Variants in FOXP2 observed in about 807,000 individuals in gnomAD.
FOXP2 encodes forkhead box protein P2.
Under a neutral mutation model 115.8 loss-of-function variants are expected in FOXP2, and 12 were observed. The observed-to-expected ratio is 0.10, with a 90% CI of 0.07 to 0.17. FOXP2 has a LOEUF of 0.17. Ranked by LOEUF, FOXP2 falls within the 10% of genes least tolerant of loss-of-function variation. The probability of loss-of-function intolerance (pLI) is 1.00; values close to 1 mark genes in which losing one functional copy is unlikely to be tolerated. For missense variants in FOXP2, 629 were observed against 843.5 expected (o/e 0.75, Z 3.15); for synonymous variants, 328 against 297.7 (o/e 1.10, Z -1.05).
chr7:114,447,694 A>G (rs1298364558), intron 2 of FOXP2, among the ~76,000 whole-genome samples: 1 of 152,164 alleles, frequency 6.6e-6, no homozygotes, highest in South Asian at 2.1e-4. Flanking sequence ...TCTGAGATTT[A>G]AAGTCATTTC....
intron 16 of FOXP2, among the ~76,000 whole-genome samples, chr7:114,679,960 C>A (rs1563075918): frequency 1.3e-5 from 2 of 152,292 alleles, no homozygotes; most frequent in East Asian, 3.9e-4. Flanking sequence ...GCCCCTATCC[C>A]AGAAGTTTAC....
intron 1 of FOXP2, among the ~76,000 whole-genome samples, chr7:114,171,374 A>G (rs1312002168): frequency 6.6e-6 from 1 of 152,100 alleles, no homozygotes; most frequent in Non-Finnish European, 1.5e-5. Context: ...GGAGTTCAAA[A>G]CCAGCCTGGG....
At chr7:114,219,835 T>C (rs1794576057) in intron 1 of FOXP2, among the ~76,000 whole-genome samples, 1 of 151,942 alleles carries the variant, frequency 6.6e-6, no homozygotes, top group Non-Finnish European at 1.5e-5. Flanking sequence ...TTTTCATAAT[T>C]CTGTGAGGGT....
At chr7:114,202,739 G>T (rs1009747336) in intron 1 of FOXP2, among the ~76,000 whole-genome samples, 5 of 152,102 alleles carry the variant, frequency 3.3e-5, no homozygotes, top group Non-Finnish European at 5.9e-5. Flanking sequence ...GTAATATAGG[G>T]ATATATAGTT....
chr7:114,654,145 C>G, intron 10 of FOXP2, 136 bp downstream of exon 10: 1 of 1,548,416 alleles, frequency 6.5e-7, no homozygotes. Flanking sequence ...AAAATGTAAT[C>G]GCTTGTCAAA....
intron 1 of FOXP2, among the ~76,000 whole-genome samples, chr7:114,270,088 A>C (rs556172817): frequency 6.6e-6 from 1 of 152,324 alleles, no homozygotes; most frequent in South Asian, 2.1e-4. Flanking sequence ...ATGCAAAGAA[A>C]TGAGCATTCT....
At chr7:114,386,476 G>A (rs1792456884) in intron 2 of FOXP2, among the ~76,000 whole-genome samples, 1 of 152,208 alleles carries the variant, frequency 6.6e-6, no homozygotes, top group Non-Finnish European at 1.5e-5. Context: ...GGCTACCCTG[G>A]ATCATAGAAG....
At position 114,138,094 on chromosome 7, in the gene FOXP2, A is replaced by G. The variant is rs144197261; in HGVS notation, c.-246-24850A>G. ...ATACCCATGAGCCCATATTAAATAC[A>G]TAAATAAATAAGATAGAATAGACAA... is the stretch of plus-strand genomic sequence containing the variant. On this transcript the variant is annotated intron_variant, in intron 1 of 19. Coordinates refer to the FOXP2 transcript ENST00000635638. 9.1e-4 allele frequency among the ~76,000 whole-genome samples: 138 copies of G among 152,330 alleles called. 4 individuals are homozygous for G. In the East Asian group the frequency reaches 0.024, roughly 26 times the overall value.
chr7:114,322,741 C>A (rs1797456492), intron 2 of FOXP2, among the ~76,000 whole-genome samples: 1 of 152,094 alleles, frequency 6.6e-6, no homozygotes, highest in South Asian at 2.1e-4. Context: ...TCATACAAAC[C>A]TAGTAGTCAC....
At chr7:114,141,830 G>A (rs1180278147) in intron 1 of FOXP2, among the ~76,000 whole-genome samples, 1 of 152,104 alleles carries the variant, frequency 6.6e-6, no homozygotes, top group Non-Finnish European at 1.5e-5. Context: ...TAAAATAACG[G>A]ACTACTCTAC....
At chr7:114,492,261 C>T (rs1339258568) in intron 2 of FOXP2, among the ~76,000 whole-genome samples, 1 of 151,876 alleles carries the variant, frequency 6.6e-6, no homozygotes, top group Non-Finnish European at 1.5e-5. Flanking sequence ...GGTGATATCC[C>T]CTTTATCATT....
chr7:114,415,910 A>G (rs547809917), intron 1 of FOXP2, among the ~76,000 whole-genome samples: 2 of 152,114 alleles, frequency 1.3e-5, no homozygotes, highest in African/African-American at 2.4e-5. Context: ...ATGCATGTTC[A>G]TGATTTTATT....
intron 2 of FOXP2, among the ~76,000 whole-genome samples, chr7:114,447,287 A>T (rs1192922650): frequency 6.6e-6 from 1 of 151,980 alleles, no homozygotes; most frequent in African/African-American, 2.4e-5. Context: ...TTTCCCCTCT[A>T]TAGCCAGATG....
At chr7:114,232,993 G>A (rs957311641) in intron 1 of FOXP2, among the ~76,000 whole-genome samples, 4 of 152,274 alleles carry the variant, frequency 2.6e-5, no homozygotes, top group African/African-American at 9.6e-5. Context: ...AAATAGCATG[G>A]TGGGTGCAGG....
At chr7:114,337,114 T>A (rs2129183797) in intron 2 of FOXP2, among the ~76,000 whole-genome samples, 1 of 151,638 alleles carries the variant, frequency 6.6e-6, no homozygotes, top group East Asian at 1.9e-4. Context: ...CAGTAATGGG[T>A]TGCACAAAGG....
intron 1 of FOXP2, among the ~76,000 whole-genome samples, chr7:114,196,990 G>A (rs985159138): frequency 6.6e-6 from 1 of 152,050 alleles, no homozygotes; most frequent in Non-Finnish European, 1.5e-5. Context: ...CCAGGAGTTC[G>A]AGTCCAGCCT....
At chr7:114,458,095 A>T (rs1795398346) in intron 2 of FOXP2, among the ~76,000 whole-genome samples, 2 of 152,158 alleles carry the variant, frequency 1.3e-5, no homozygotes, top group Admixed American at 1.3e-4. Flanking sequence ...AAAACTCAAG[A>T]TCATCTTTCC....
chr7:114,228,607 T>G (rs991072932), intron 1 of FOXP2, among the ~76,000 whole-genome samples: 1 of 151,954 alleles, frequency 6.6e-6, no homozygotes, highest in Non-Finnish European at 1.5e-5. Flanking sequence ...AAAGAGCTAC[T>G]ACCACTTCTA....
intron 1 of FOXP2, among the ~76,000 whole-genome samples, chr7:114,266,462 T>A (rs1584592313): frequency 6.6e-6 from 1 of 152,078 alleles, no homozygotes; most frequent in East Asian, 1.9e-4. Flanking sequence ...TTACTCATGG[T>A]GGAAAGTGAA....
Sources: gnomAD v4.1 joint callset for allele counts (sites outside exome capture counted in the v4.1 genomes callset) on GRCh38, gnomAD v4.1.1 for gene constraint, MANE v1.5 for transcripts, NCBI Gene and HGNC (gene_info 2026-07-23, HGNC 2026-07-21) for gene names.